Variants in CADM2 observed in about 807,000 individuals in gnomAD.
CADM2 encodes immunoglobulin superfamily member 4D.
A neutral mutation model predicts 49.8 loss-of-function variants in CADM2; 12 were observed. The observed-to-expected ratio is 0.24, with a 90% confidence interval of 0.15 to 0.39. The LOEUF is 0.39. CADM2 is among the 10% of genes least tolerant of loss of function. The probability of loss-of-function intolerance (pLI) is 1.00; values close to 1 mark genes in which losing one functional copy is unlikely to be tolerated. For synonymous variants in CADM2, 214 were observed against 175.4 expected (o/e 1.22, Z -1.74); for missense variants, 378 against 492.3 (o/e 0.77, Z 2.20).
intron 2 of CADM2, among the ~76,000 whole-genome samples, chr3:85,747,278 G>A (rs2068654918): frequency 6.6e-6 from 1 of 151,958 alleles, no homozygotes; most frequent in Non-Finnish European, 1.5e-5. Flanking sequence ...TTACGAGATG[G>A]AAATTAAATA....
intron 1 of CADM2, among the ~76,000 whole-genome samples, chr3:85,488,508 A>T (rs1233358845): frequency 2.0e-5 from 3 of 151,744 alleles, no homozygotes; most frequent in African/African-American, 4.8e-5. Flanking sequence ...AGGTAATTTT[A>T]TTATTTATTT....
chr3:85,330,217 C>A (rs1265235548), intron 1 of CADM2, among the ~76,000 whole-genome samples: 1 of 152,144 alleles, frequency 6.6e-6, no homozygotes, highest in African/African-American at 2.4e-5. Flanking sequence ...GCAGTGTGAA[C>A]TTGGAAACAT....
intron 1 of CADM2, among the ~76,000 whole-genome samples, chr3:85,346,186 C>A (rs1248359029): frequency 6.6e-6 from 1 of 152,110 alleles, no homozygotes; most frequent in Admixed American, 6.5e-5. Context: ...TAATTTAAAT[C>A]AACACTTAAA....
intron 1 of CADM2, among the ~76,000 whole-genome samples, chr3:85,244,406 C>A (rs963375184): frequency 1.3e-5 from 2 of 152,168 alleles, no homozygotes; most frequent in African/African-American, 4.8e-5. Context: ...ATATGCAAAT[C>A]TTTCTATTTA....
intron 1 of CADM2, among the ~76,000 whole-genome samples, chr3:84,996,889 A>C (rs1485377910): frequency 2.6e-5 from 4 of 152,142 alleles, no homozygotes; most frequent in Non-Finnish European, 4.4e-5. Flanking sequence ...GAATGAAAGA[A>C]TATAGAGGGG....
At chr3:85,044,961 T>C (rs1357793273) in intron 1 of CADM2, among the ~76,000 whole-genome samples, 1 of 152,072 alleles carries the variant, frequency 6.6e-6, no homozygotes, top group Non-Finnish European at 1.5e-5. Context: ...TGTCACTGGA[T>C]ACAGAGCCTG....
At chr3:85,043,675 T>C (rs1182847011) in intron 1 of CADM2, among the ~76,000 whole-genome samples, 1 of 151,954 alleles carries the variant, frequency 6.6e-6, no homozygotes, top group Non-Finnish European at 1.5e-5. Flanking sequence ...TGAGAGCTTG[T>C]CTCAAAATAA....
At chr3:86,015,834 C>CT (rs1156924297) in intron 8 of CADM2, among the ~76,000 whole-genome samples, 1 of 152,120 alleles carries the variant, frequency 6.6e-6, no homozygotes, top group Admixed American at 6.6e-5. Context: ...TGACAACTGA[C>CT]TTGTCTGTTT....
chr3:85,118,862 G>T (rs1190340016), intron 1 of CADM2, among the ~76,000 whole-genome samples: 1 of 152,150 alleles, frequency 6.6e-6, no homozygotes, highest in East Asian at 1.9e-4. Context: ...CGATTCTCCT[G>T]CCTCAGCCTC....
At chr3:85,313,624 C>A (rs997574656) in intron 1 of CADM2, among the ~76,000 whole-genome samples, 8 of 152,108 alleles carry the variant, frequency 5.3e-5, no homozygotes, top group African/African-American at 1.9e-4. Flanking sequence ...TAGCCACTAA[C>A]CAGGGTGATG....
intron 1 of CADM2, among the ~76,000 whole-genome samples, chr3:85,202,103 A>C (rs1307510901): frequency 6.7e-6 from 1 of 149,146 alleles, no homozygotes; most frequent in African/African-American, 2.5e-5. Flanking sequence ...AAAAAAAGCA[A>C]CTTCTCATCT....
At chr3:85,325,182 C>T (rs1195743771) in intron 1 of CADM2, among the ~76,000 whole-genome samples, 5 of 152,146 alleles carry the variant, frequency 3.3e-5, no homozygotes, top group African/African-American at 7.2e-5. Flanking sequence ...AGTTTTGTAA[C>T]GTCGAGATCT....
At chr3:85,573,203 T>G (rs1233536637) in intron 1 of CADM2, among the ~76,000 whole-genome samples, 2 of 63,670 alleles carry the variant, frequency 3.1e-5, no homozygotes, top group Non-Finnish European at 6.6e-5. Flanking sequence ...ATTTATTTAT[T>G]TATTTACTGA....
At chr3:85,717,749 G>A (rs1203076744) in intron 1 of CADM2, among the ~76,000 whole-genome samples, 1 of 152,094 alleles carries the variant, frequency 6.6e-6, no homozygotes, top group Non-Finnish European at 1.5e-5. Flanking sequence ...AGATAATCAT[G>A]TGGTTTTGTG....
At chr3:84,982,737 A>ATATATAAG (rs1553663805) in intron 1 of CADM2, among the ~76,000 whole-genome samples, 4 of 115,376 alleles carry the variant, frequency 3.5e-5, no homozygotes, top group South Asian at 2.9e-4. Flanking sequence ...ATATATATAC[A>ATATATAAG]TTTTTTGTTT....
At chr3:85,140,981 C>T (rs752414173) in intron 1 of CADM2, among the ~76,000 whole-genome samples, 19 of 152,120 alleles carry the variant, frequency 1.2e-4, no homozygotes, top group Non-Finnish European at 2.1e-4. Context: ...CCTATGATGT[C>T]TAATCTTCCT....
chr3:85,850,191 C>A (rs890543541), intron 3 of CADM2, among the ~76,000 whole-genome samples: 1 of 151,910 alleles, frequency 6.6e-6, no homozygotes, highest in Non-Finnish European at 1.5e-5. Context: ...CTTAAAAGGG[C>A]CGAAAGGATT....
chr3:85,080,008 G>A (rs748798254), intron 1 of CADM2, among the ~76,000 whole-genome samples: 16 of 151,880 alleles, frequency 1.1e-4, no homozygotes, highest in Non-Finnish European at 2.1e-4. Flanking sequence ...AAACTTTAGA[G>A]GTAATAGTAA....
intron 1 of CADM2, among the ~76,000 whole-genome samples, chr3:85,321,529 T>C (rs2044612873): frequency 6.6e-6 from 1 of 152,076 alleles, no homozygotes; most frequent in Non-Finnish European, 1.5e-5. Context: ...GCTTCTTTGG[T>C]TAAAATTCAG....
Sources: allele counts gnomAD v4.1 joint callset (sites outside exome capture counted in the v4.1 genomes callset), GRCh38; gene constraint gnomAD v4.1.1; transcripts MANE v1.5; gene names NCBI Gene and HGNC (gene_info 2026-07-23, HGNC 2026-07-21).